SH3RF1: variants seen among roughly 807,000 people sequenced by gnomAD.
SH3RF1 encodes E3 ubiquitin-protein ligase SH3RF1.
In SH3RF1, 32 loss-of-function variants were observed where a neutral mutation model predicts 74.0. The ratio of observed to expected loss-of-function variants is 0.43; its 90% confidence interval spans 0.33 to 0.58. SH3RF1 has a LOEUF of 0.58. SH3RF1 is among the 20% of genes least tolerant of loss of function. The pLI, the probability that SH3RF1 is intolerant of heterozygous loss-of-function variation, is 0.05. For missense variants in SH3RF1, 954 were observed against 1,130.9 expected (o/e 0.84, Z 2.24); for synonymous variants, 396 against 439.6 (o/e 0.90, Z 1.24).
chr4:169,105,379 C>A (rs1476155684), intron 11 of SH3RF1, among the ~76,000 whole-genome samples: 1 of 152,152 alleles, frequency 6.6e-6, no homozygotes, highest in African/African-American at 2.4e-5. Flanking sequence ...ATCCTGGTAG[C>A]TATTTGTCTC....
chr4:169,249,596 A>T (rs1325303060), intron 2 of SH3RF1, among the ~76,000 whole-genome samples: 3 of 152,262 alleles, frequency 2.0e-5, no homozygotes, highest in Non-Finnish European at 4.4e-5. Context: ...TGGAAAGCAG[A>T]TTATGTACCA....
chr4:169,117,393 G>T, intron 9 of SH3RF1, 130 bp downstream of exon 9: 1 of 1,352,340 alleles, frequency 7.4e-7, no homozygotes, highest in Non-Finnish European at 1.0e-6. Context: ...AGGTGCCACT[G>T]AGTAGACTTT....
Position 169,128,756 on chromosome 4 carries a change from A to C in SH3RF1, c.1179+1290T>G, listed in dbSNP as rs140326402. Among the ~76,000 whole-genome samples, 132 of 152,338 alleles carry C rather than the reference A, an allele frequency of 8.7e-4. 1 individual carries two copies. The highest frequency in any genetic ancestry group is 3.4e-3 in the Middle Eastern group (1 of 294). On this transcript the variant is annotated intron_variant, in intron 6 of 11. Coordinates refer to ENST00000284637, the MANE Select transcript of SH3RF1 (RefSeq NM_020870.4). ...CTACAAATCTGGTCCTAAGCACTCT[A>C]GCAGAGGGAAATAAAATCTTTACAA...
chr4:169,214,210 G>A (rs1730425156), intron 2 of SH3RF1, among the ~76,000 whole-genome samples: 1 of 152,248 alleles, frequency 6.6e-6, no homozygotes, highest in African/African-American at 2.4e-5. Context: ...AGATCTGGCT[G>A]TTTAAAAGTG....
At chr4:169,151,607 C>T (rs1422964356) in intron 4 of SH3RF1, among the ~76,000 whole-genome samples, 1 of 152,048 alleles carries the variant, frequency 6.6e-6, no homozygotes, top group Admixed American at 6.5e-5. Flanking sequence ...ACAGCTGACA[C>T]GAGATCTAAA....
rs538763712 is a variant in SH3RF1 at position 169,157,114 on chromosome 4, A to G, written c.394-435T>C. On this transcript the variant is annotated intron_variant, in intron 2 of 11. Coordinates refer to ENST00000284637, the MANE Select transcript of SH3RF1 (RefSeq NM_020870.4). ...GATACTGAGGGGAAAAATTTAAACCAAATTTATTAATTTACTAAACTGCTT... is the reference window on the plus strand; with the variant it reads ...GATACTGAGGGGAAAAATTTAAACCGAATTTATTAATTTACTAAACTGCTT... 2.0e-5 allele frequency among the ~76,000 whole-genome samples: 3 copies of G among 152,376 alleles called. No individual in the cohort carries two copies. In the South Asian group the frequency reaches 6.2e-4, roughly 32 times the overall value.
At chr4:169,149,346 G>T (rs1733941460) in intron 4 of SH3RF1, among the ~76,000 whole-genome samples, 1 of 152,172 alleles carries the variant, frequency 6.6e-6, no homozygotes, top group Admixed American at 6.5e-5. Flanking sequence ...AGGAGCCAGT[G>T]CTCATTTTTC....
At chr4:169,191,978 G>T (rs1734721486) in intron 2 of SH3RF1, among the ~76,000 whole-genome samples, 1 of 152,108 alleles carries the variant, frequency 6.6e-6, no homozygotes, top group South Asian at 2.1e-4. Context: ...CTAGACATTG[G>T]CTTAGGCAAG....
At chr4:169,166,927 C>T in intron 2 of SH3RF1, 1 of 257,726 alleles carries the variant, frequency 3.9e-6, no homozygotes, top group South Asian at 5.6e-5. Context: ...GAAGAGGCAG[C>T]TGCAGAAGCC....
At chr4:169,201,133 G>A (rs749331412) in intron 2 of SH3RF1, among the ~76,000 whole-genome samples, 10 of 151,906 alleles carry the variant, frequency 6.6e-5, no homozygotes, top group African/African-American at 1.7e-4. Flanking sequence ...TAAAATATAC[G>A]ATCAATATTT....
rs548136815 is a variant in SH3RF1 at position 169,130,045 on chromosome 4, C to A, written c.1179+1G>T. ...ATAAAAATGGGAGAAACTATACTCA[C>A]TCCAAGGGCAGCTTGGTAGGGAACA... is the stretch of plus-strand genomic sequence containing the variant. On this transcript the variant is annotated splice_donor_variant, in intron 6 of 11. Transcript: ENST00000284637. LOFTEE classifies it high-confidence loss of function. 1 of 1,611,868 alleles carries A rather than the reference C, an allele frequency of 6.2e-7. No individual in the cohort carries two copies. The highest frequency in any genetic ancestry group is 1.3e-5 in the African/African-American group (1 of 74,942).
intron 6 of SH3RF1, among the ~76,000 whole-genome samples, chr4:169,129,050 G>C (rs1733570101): frequency 6.6e-6 from 1 of 152,088 alleles, no homozygotes; most frequent in Non-Finnish European, 1.5e-5. Flanking sequence ...GGCAGAGCTG[G>C]GCTTCAAACC....
chr4:169,101,728 T>A (rs968409682), intron 11 of SH3RF1, among the ~76,000 whole-genome samples: 7 of 150,448 alleles, frequency 4.7e-5, no homozygotes, highest in African/African-American at 1.7e-4. Flanking sequence ...GCACCTTGGT[T>A]GGAAAGCACC....
Position 169,269,174 on chromosome 4 carries a change from C to G in SH3RF1, c.39G>C (p.Pro13=). 1 of 1,605,128 alleles carries G rather than the reference C, an allele frequency of 6.2e-7. No homozygotes were observed. The highest frequency in any genetic ancestry group is 1.1e-5 in the South Asian group (1 of 90,430). ...ESALLDLLEC[P]VCLERLDASA... ...AAGCATCAAGGCGCTCTAGACACAC[C>G]GGACACTCCAAAAGATCCAACAAGG... Residue 13 remains proline (P), a synonymous_variant, in exon 2 of 12, where the codon CCG becomes CCC. Transcript: ENST00000284637.
chr4:169,102,570 C>T (rs903055409), intron 11 of SH3RF1, among the ~76,000 whole-genome samples: 1 of 151,492 alleles, frequency 6.6e-6, no homozygotes, highest in Admixed American at 6.6e-5. Context: ...CTTTTATTTG[C>T]CATCCCTTCT....
intron 2 of SH3RF1, among the ~76,000 whole-genome samples, chr4:169,183,787 A>G (rs1250076184): frequency 1.3e-5 from 2 of 151,970 alleles, no homozygotes; most frequent in Non-Finnish European, 2.9e-5. Flanking sequence ...AACAAAAAAA[A>G]CTGGAAAAAA....
chr4:169,202,304 G>A (rs559363818), intron 2 of SH3RF1, among the ~76,000 whole-genome samples: 1 of 152,240 alleles, frequency 6.6e-6, no homozygotes, highest in South Asian at 2.1e-4. Context: ...TCCCTCCGTA[G>A]GAGGCTAGTT....
At chr4:169,103,240 C>G (rs1733072434) in intron 11 of SH3RF1, among the ~76,000 whole-genome samples, 1 of 151,714 alleles carries the variant, frequency 6.6e-6, no homozygotes, top group Non-Finnish European at 1.5e-5. Context: ...CTGGCACATT[C>G]TTTTACTTTA....
intron 2 of SH3RF1, among the ~76,000 whole-genome samples, chr4:169,218,939 A>G (rs1313539302): frequency 6.6e-6 from 1 of 152,238 alleles, no homozygotes; most frequent in East Asian, 1.9e-4. Context: ...AATAATTTAC[A>G]GTATTTAGCA....
Sources: allele counts gnomAD v4.1 joint callset (sites outside exome capture counted in the v4.1 genomes callset), GRCh38; gene constraint gnomAD v4.1.1; transcripts MANE v1.5; gene names NCBI Gene and HGNC (gene_info 2026-07-23, HGNC 2026-07-21).